IFT43: variants seen among roughly 807,000 people sequenced by gnomAD.
The protein encoded by IFT43 is intraflagellar transport 43, also known as intraflagellar transport protein 43 homolog.
In IFT43, 33 loss-of-function variants were observed where a neutral mutation model predicts 32.3. The ratio of observed to expected loss-of-function variants is 1.02; its 90% CI spans 0.77 to 1.37. IFT43 has a LOEUF of 1.37. Among genes scored for constraint, IFT43 ranks in the 40% most tolerant of loss-of-function variants. The probability of loss-of-function intolerance (pLI) is 0.00; values close to 1 mark genes in which losing one functional copy is unlikely to be tolerated. For synonymous variants in IFT43, 93 were observed against 98.2 expected (o/e 0.95, Z 0.31); for missense variants, 274 against 265.9 (o/e 1.03, Z -0.21).
intron 3 of IFT43, among the ~76,000 whole-genome samples, chr14:76,042,487 G>T (rs1194280783): frequency 6.6e-6 from 1 of 152,152 alleles, no homozygotes; most frequent in Admixed American, 6.5e-5. Context: ...AACATGTTCA[G>T]CTTGTGAGAA....
At chr14:76,058,894 G>A (rs568133632) in intron 4 of IFT43, 24 of 1,473,506 alleles carry the variant, frequency 1.6e-5, no homozygotes, top group Non-Finnish European at 2.0e-5. Flanking sequence ...CTCCCACTGT[G>A]TGGTTTTAGA....
intron 2 of IFT43, among the ~76,000 whole-genome samples, chr14:76,005,225 T>C (rs1461669864): frequency 6.6e-6 from 1 of 152,238 alleles, no homozygotes; most frequent in African/African-American, 2.4e-5. Context: ...ATTTTTGTTT[T>C]AGTAGGCTGT....
chr14:76,058,109 G>A (rs1010424413), intron 3 of IFT43: 5 of 189,458 alleles, frequency 2.6e-5, no homozygotes, highest in African/African-American at 7.2e-5. Flanking sequence ...ATAGATACGC[G>A]TGTATCAGCC....
intron 3 of IFT43, among the ~76,000 whole-genome samples, chr14:76,024,404 A>T (rs1219623481): frequency 6.6e-6 from 1 of 152,210 alleles, no homozygotes; most frequent in East Asian, 1.9e-4. Context: ...TCACAATAAG[A>T]TTAAAACCAT....
At chr14:76,042,920 G>A (rs2036734156) in intron 3 of IFT43, among the ~76,000 whole-genome samples, 1 of 152,182 alleles carries the variant, frequency 6.6e-6, no homozygotes, top group Non-Finnish European at 1.5e-5. Context: ...TGCCTTTGAG[G>A]CCATTTCCTA....
At chr14:76,017,693 G>T (rs55646933) in intron 2 of IFT43, among the ~76,000 whole-genome samples, 2,846 of 152,174 alleles carry the variant, frequency 0.019, 85 homozygotes, top group African/African-American at 0.065. Context: ...GCTTTTCTTT[G>T]TTGGGAGGCT....
At chr14:75,994,264 C>T (rs975339070) in intron 2 of IFT43, among the ~76,000 whole-genome samples, 1 of 152,078 alleles carries the variant, frequency 6.6e-6, no homozygotes, top group South Asian at 2.1e-4. Flanking sequence ...TCTTTTCCTT[C>T]TGATTGTCTC....
At chr14:76,003,454 C>T (rs1431193664) in intron 2 of IFT43, among the ~76,000 whole-genome samples, 2 of 151,896 alleles carry the variant, frequency 1.3e-5, no homozygotes, top group East Asian at 1.9e-4. Flanking sequence ...AGTGAAACCC[C>T]GTCTCTACTA....
intron 2 of IFT43, among the ~76,000 whole-genome samples, chr14:75,997,422 T>C (rs150224050): frequency 6.6e-6 from 1 of 152,354 alleles, no homozygotes; most frequent in East Asian, 1.9e-4. Flanking sequence ...GCTTTCAGTA[T>C]TTTTAGCCTT....
chr14:76,058,744 T>A, intron 4 of IFT43, 70 bp downstream of exon 4: 1 of 1,607,276 alleles, frequency 6.2e-7, no homozygotes, highest in Non-Finnish European at 8.5e-7. Context: ...GTCTTGGTGG[T>A]CATGATCTGT....
intron 2 of IFT43, among the ~76,000 whole-genome samples, chr14:76,016,451 T>C (rs1022984091): frequency 1.4e-4 from 22 of 152,332 alleles, no homozygotes; most frequent in African/African-American, 5.3e-4. Flanking sequence ...TTGGTTACTA[T>C]AGCTTTGTAG....
intron 1 of IFT43, among the ~76,000 whole-genome samples, chr14:75,986,700 TC>T (rs1193026933): frequency 6.6e-6 from 1 of 152,182 alleles, no homozygotes; most frequent in African/African-American, 2.4e-5. Context: ...GTGTCTACCT[TC>T]CTCCTTTGTA....
chr14:76,030,648 A>G (rs889198059), intron 3 of IFT43, among the ~76,000 whole-genome samples: 3 of 152,326 alleles, frequency 2.0e-5, no homozygotes, highest in South Asian at 4.1e-4. Flanking sequence ...GTAAAACTCA[A>G]GATTTCTTTG....
chr14:76,071,315 G>A (rs565557569), intron 5 of IFT43, among the ~76,000 whole-genome samples: 22 of 152,200 alleles, frequency 1.4e-4, no homozygotes, highest in Admixed American at 3.9e-4. Flanking sequence ...TGAGCCAGGC[G>A]TTATGCCGAC....
At chr14:76,062,645 G>A (rs1052634063) in intron 5 of IFT43, among the ~76,000 whole-genome samples, 3 of 151,964 alleles carry the variant, frequency 2.0e-5, no homozygotes, top group Non-Finnish European at 2.9e-5. Flanking sequence ...AGTCAGGCGC[G>A]GTGGCTCATG....
chr14:75,987,437 C>T (rs2035551164), intron 1 of IFT43, among the ~76,000 whole-genome samples: 1 of 152,170 alleles, frequency 6.6e-6, no homozygotes, highest in Non-Finnish European at 1.5e-5. Flanking sequence ...GTCCTTAGAA[C>T]ATCTTAAAAC....
At chr14:76,011,451 TC>T (rs1594814953) in intron 2 of IFT43, among the ~76,000 whole-genome samples, 1 of 152,206 alleles carries the variant, frequency 6.6e-6, no homozygotes, top group East Asian at 1.9e-4. Flanking sequence ...GCACATTACG[TC>T]CCACTGTTAA....
At chr14:76,059,727 T>C (rs2037093763) in intron 5 of IFT43, 2 of 362,600 alleles carry the variant, frequency 5.5e-6, no homozygotes, top group African/African-American at 4.2e-5. Flanking sequence ...CAATATTTAC[T>C]AGGTGTTGAC....
chr14:76,045,462 T>C (rs773700614), intron 3 of IFT43, among the ~76,000 whole-genome samples: 1 of 152,208 alleles, frequency 6.6e-6, no homozygotes, highest in Non-Finnish European at 1.5e-5. Context: ...GCTATAGTAA[T>C]TGGAGTTAAA....
Sources: allele counts gnomAD v4.1 joint callset (sites outside exome capture counted in the v4.1 genomes callset), GRCh38; gene constraint gnomAD v4.1.1; transcripts MANE v1.5; gene names NCBI Gene and HGNC (gene_info 2026-07-23, HGNC 2026-07-21).